The following PRKG1 variants were observed in gnomAD, a reference collection of about 807,000 sequenced individuals.
PRKG1 encodes the protein protein kinase cGMP-dependent 1.
A neutral mutation model predicts 88.1 loss-of-function variants in PRKG1; 35 were observed. The ratio of observed to expected loss-of-function variants is 0.40; its 90% CI spans 0.30 to 0.53. The LOEUF is 0.53. Among genes scored for constraint, PRKG1 ranks in the 20% least tolerant of loss-of-function variants. The pLI is 0.59. For missense variants in PRKG1, 540 were observed against 839.8 expected (o/e 0.64, Z 4.41); for synonymous variants, 303 against 292.5 (o/e 1.04, Z -0.37).
At chr10:51,213,305 G>A (rs529377249) in intron 2 of PRKG1, among the ~76,000 whole-genome samples, 107 of 152,158 alleles carry the variant, frequency 7.0e-4, no homozygotes, top group African/African-American at 2.5e-3. Flanking sequence ...ATCACACACC[G>A]GGGACTGTTG....
intron 3 of PRKG1, among the ~76,000 whole-genome samples, chr10:51,595,430 A>G (rs935611031): frequency 3.9e-5 from 6 of 152,184 alleles, no homozygotes. Context: ...GGAGTTCAAG[A>G]CCAGCCTGGC....
At chr10:52,069,445 C>T (rs1273568481) in intron 7 of PRKG1, among the ~76,000 whole-genome samples, 1 of 152,088 alleles carries the variant, frequency 6.6e-6, no homozygotes. Flanking sequence ...GTAGGAGAAT[C>T]ACTTGAACCC....
intron 3 of PRKG1, among the ~76,000 whole-genome samples, chr10:51,521,207 G>A (rs1011977739): frequency 1.3e-5 from 2 of 152,210 alleles, no homozygotes; most frequent in Admixed American, 6.5e-5. Flanking sequence ...AGAATCGCTT[G>A]AACCCAGGAG....
chr10:51,777,827 C>T (rs1440243085), intron 3 of PRKG1, among the ~76,000 whole-genome samples: 2 of 152,230 alleles, frequency 1.3e-5, no homozygotes, highest in African/African-American at 2.4e-5. Context: ...TTGCCTTTTC[C>T]AGAATGTCGT....
intron 3 of PRKG1, among the ~76,000 whole-genome samples, chr10:51,665,175 GATT>G (rs2132337574): frequency 6.6e-6 from 1 of 152,234 alleles, no homozygotes; most frequent in African/African-American, 2.4e-5. Context: ...ATCATGTAAT[GATT>G]AGATGAGTTA....
rs142646739 is a variant in PRKG1, at chr10:52,144,369, C to G, written c.1001+10464C>G. On this transcript the variant is annotated intron_variant, in intron 8 of 17. Transcript: ENST00000373980. ...TATTTTGGGGGCAATAAGAAACCAA[C>G]AGAGAACCATTGGAACTGTATTTTG... Among the ~76,000 whole-genome samples, 25 of 152,284 alleles carry G rather than the reference C, an allele frequency of 1.6e-4. No homozygotes were observed. In the East Asian group the frequency reaches 4.6e-3, roughly 28 times the overall value.
intron 5 of PRKG1, among the ~76,000 whole-genome samples, chr10:52,024,995 T>G (rs1158107732): frequency 6.6e-6 from 1 of 152,160 alleles, no homozygotes; most frequent in Non-Finnish European, 1.5e-5. Flanking sequence ...ACATCTCTTG[T>G]TTCCGGACTT....
intron 1 of PRKG1, among the ~76,000 whole-genome samples, chr10:51,079,646 A>G (rs1202707433): frequency 1.3e-5 from 2 of 151,274 alleles, no homozygotes; most frequent in African/African-American, 2.4e-5. Context: ...GCGAGAGGGC[A>G]TTCTTTTGGG....
chr10:51,350,363 T>C (rs185818370), intron 2 of PRKG1, among the ~76,000 whole-genome samples: 8 of 152,294 alleles, frequency 5.3e-5, no homozygotes, highest in Middle Eastern at 3.4e-3. Flanking sequence ...GTCAGGTAGA[T>C]GGGTTCTACC....
intron 2 of PRKG1, 103 bp downstream of exon 2, chr10:51,153,433 T>C: frequency 1.7e-6 from 2 of 1,155,440 alleles, no homozygotes; most frequent in South Asian, 2.4e-5. Flanking sequence ...CCATTTTTCC[T>C]TCTTTTATTG....
chr10:51,143,964 CT>C (rs993672961), intron 1 of PRKG1, among the ~76,000 whole-genome samples: 2 of 151,758 alleles, frequency 1.3e-5, no homozygotes, highest in Admixed American at 6.6e-5. Context: ...TGTAAAGAGG[CT>C]TTTTTTGATG....
intron 8 of PRKG1, among the ~76,000 whole-genome samples, chr10:52,146,801 A>C (rs1589648074): frequency 6.6e-6 from 1 of 152,316 alleles, no homozygotes; most frequent in African/African-American, 2.4e-5. Context: ...CAGTATTAGA[A>C]TTACTGATTC....
At chr10:51,286,475 T>A (rs1303529656) in intron 2 of PRKG1, among the ~76,000 whole-genome samples, 2 of 152,218 alleles carry the variant, frequency 1.3e-5, no homozygotes, top group East Asian at 3.8e-4. Context: ...TTTTGTTCCT[T>A]TAGAAAATAT....
chr10:52,164,413 A>G (rs1200095913), intron 9 of PRKG1, among the ~76,000 whole-genome samples: 1 of 151,956 alleles, frequency 6.6e-6, no homozygotes, highest in African/African-American at 2.4e-5. Flanking sequence ...AGAAATAACT[A>G]GAAATATACC....
At chr10:51,003,155 T>C (rs1842906532) in intron 1 of PRKG1, among the ~76,000 whole-genome samples, 1 of 151,480 alleles carries the variant, frequency 6.6e-6, no homozygotes, top group African/African-American at 2.4e-5. Context: ...TTCTCGTGTC[T>C]GCAGGGCCAA....
At chr10:51,748,540 G>A (rs1837638002) in intron 3 of PRKG1, among the ~76,000 whole-genome samples, 1 of 151,882 alleles carries the variant, frequency 6.6e-6, no homozygotes, top group Non-Finnish European at 1.5e-5. Context: ...CTTTTGGTAG[G>A]GTATATGAGT....
chr10:51,886,092 C>T (rs1841561938), intron 4 of PRKG1, among the ~76,000 whole-genome samples: 1 of 152,184 alleles, frequency 6.6e-6, no homozygotes, highest in South Asian at 2.1e-4. Context: ...ATGACACAAT[C>T]ATAGCTCACT....
chr10:52,205,220 C>A (rs1220031135), intron 9 of PRKG1, among the ~76,000 whole-genome samples: 1 of 152,126 alleles, frequency 6.6e-6, no homozygotes, highest in African/African-American at 2.4e-5. Context: ...TCTCCCTGAC[C>A]TTCTGCCTTG....
At chr10:52,272,365 C>T (rs753082252) in intron 11 of PRKG1, 27 bp from the exon 12 acceptor site, 1 of 1,507,410 alleles carries the variant, frequency 6.6e-7, no homozygotes, top group Non-Finnish European at 9.1e-7. Flanking sequence ...TGTTTATAAT[C>T]TTTGTTTTCT....
Sources: gnomAD v4.1 joint callset for allele counts (sites outside exome capture counted in the v4.1 genomes callset) on GRCh38, gnomAD v4.1.1 for gene constraint, MANE v1.5 for transcripts, NCBI Gene and HGNC (gene_info 2026-07-23, HGNC 2026-07-21) for gene names.